Variants in SLTM observed in about 807,000 individuals in gnomAD.
SLTM encodes SAFB-like transcription modulator.
SLTM carries 43 observed loss-of-function variants against 134.6 expected under a neutral mutation model. That is an observed-to-expected ratio of 0.32 (90% CI 0.25 to 0.41). The LOEUF is 0.41. SLTM is among the 10% of genes least tolerant of loss of function. The pLI, the probability that SLTM is intolerant of heterozygous loss-of-function variation, is 1.00. For missense variants in SLTM, 1,055 were observed against 1,288.8 expected (o/e 0.82, Z 2.78); for synonymous variants, 424 against 432.3 (o/e 0.98, Z 0.24).
Position 58,894,498 on chromosome 15 carries a change from C to A in SLTM, c.1312G>T (p.Val438Leu). Reference protein sequence around the residue: ...GIVTMSSSTEVSRCIAHLHRT... With the variant: ...GIVTMSSSTELSRCIAHLHRT... The stretch of plus-strand genomic sequence containing the variant: ...TGAAGATGTGCAATACACCTGGACA[C>A]CTCTGTGCTTGAAGACATAGTTACA... The change falls in exon 10 of 21, where the codon GTG (valine) becomes TTG (leucine). Residue 438 changes from valine (V) to leucine (L), a missense_variant. Around this residue, in one of 3 missense-constraint regions of SLTM, gnomAD observed 776 missense variants for 962.2 expected, o/e 0.81. Transcript: ENST00000380516. 1 of 1,614,118 alleles carries A rather than the reference C, an allele frequency of 6.2e-7. No homozygotes were observed. Among genetic ancestry groups the A allele is most frequent in the Non-Finnish European group, 8.5e-7 (1 of 1,180,000 alleles).
At chr15:58,886,518 C>T (rs1190564335) in intron 19 of SLTM, among the ~76,000 whole-genome samples, 10 of 152,180 alleles carry the variant, frequency 6.6e-5, no homozygotes, top group Admixed American at 3.3e-4. Context: ...CTGCCCACCT[C>T]GGCCTCCCAC....
At chr15:58,911,476 C>A (rs1482194914) in intron 5 of SLTM, among the ~76,000 whole-genome samples, 1 of 152,180 alleles carries the variant, frequency 6.6e-6, no homozygotes, top group Non-Finnish European at 1.5e-5. Flanking sequence ...TGTGCTAATT[C>A]TAGAGCTAAC....
intron 2 of SLTM, 195 bp downstream of exon 2, chr15:58,932,161 C>A (rs1567170737): frequency 1.9e-6 from 1 of 521,164 alleles, no homozygotes; most frequent in African/African-American, 1.9e-5. Flanking sequence ...TTCTAATCAG[C>A]TTCAGCCGAA....
At chr15:58,912,775 C>CA (rs1302410783) in intron 4 of SLTM, 165 bp from the exon 5 acceptor site, 23 of 551,800 alleles carry the variant, frequency 4.2e-5, no homozygotes, top group South Asian at 9.2e-5. Context: ...TTTTTTATGC[C>CA]AAAAAAAATT....
intron 5 of SLTM, among the ~76,000 whole-genome samples, chr15:58,906,197 T>G (rs11637077): frequency 0.2 from 30,155 of 152,224 alleles, 3,301 homozygotes; most frequent in South Asian, 0.44. Context: ...ATGCAACTAT[T>G]TGAAAACAAT....
intron 5 of SLTM, among the ~76,000 whole-genome samples, chr15:58,906,906 T>TAA: frequency 6.6e-6 from 1 of 152,306 alleles, no homozygotes; most frequent in Non-Finnish European, 1.5e-5. Flanking sequence ...AAACATTTCC[T>TAA]AGTGTGGAGT....
chr15:58,880,748 T>TAA (rs1357612286), intron 20 of SLTM, among the ~76,000 whole-genome samples: 3 of 151,892 alleles, frequency 2.0e-5, no homozygotes, highest in African/African-American at 7.3e-5. Flanking sequence ...TTATTTTTCT[T>TAA]AGAGACAGGG....
rs765628104 is a variant in SLTM, at chr15:58,899,856, G to A, written c.671C>T (p.Thr224Ile). The change falls in exon 7 of 21, where the codon ACA (threonine) becomes ATA (isoleucine). Residue 224 changes from threonine to isoleucine, a missense_variant. This residue lies in a region of SLTM where 268 missense variants were observed against 284.3 expected (regional missense o/e 0.94). Coordinates refer to ENST00000380516, the MANE Select transcript of SLTM (RefSeq NM_024755.4). The surrounding 1 kb of genome is among the most constrained non-coding windows in gnomAD (Gnocchi z 5.0). ...SEGSLAEADH[T>I]AHEEMEAHTT... Reference sequence around the variant, plus strand: ...ATGAGCTTCCATCTCTTCATGAGCTGTGTGATCAGCCTCAGCTAGGCTCCC... The same window carrying A: ...ATGAGCTTCCATCTCTTCATGAGCTATGTGATCAGCCTCAGCTAGGCTCCC... 9.3e-6 allele frequency: 15 copies of A among 1,614,080 alleles called. No individual in the cohort carries two copies. The highest frequency in any genetic ancestry group is 1.3e-5 in the Non-Finnish European group (15 of 1,179,996).
At chr15:58,930,263 G>T (rs1441279855) in intron 2 of SLTM, among the ~76,000 whole-genome samples, 8 of 147,778 alleles carry the variant, frequency 5.4e-5, no homozygotes, top group Non-Finnish European at 7.4e-5. Context: ...ACAGGCACGC[G>T]CGCCACCATG....
chr15:58,890,597 G>A lies in SLTM; in HGVS notation c.1899-136C>T, dbSNP rs1050950733. The A allele has an allele frequency of 4.8e-5, 40 of 835,528 alleles. 1 individual carries two copies. Among genetic ancestry groups the A allele is most frequent in the Middle Eastern group, 3.3e-4 (1 of 2,988 alleles). 51.8% of individuals were successfully genotyped at this position (835,528 alleles called of 1,614,324 possible). On this transcript the variant is annotated intron_variant, in intron 14 of 20. Coordinates refer to ENST00000380516, the MANE Select transcript of SLTM (RefSeq NM_024755.4). Reference sequence around the variant, plus strand: ...AATCTAAGTAGTTTTAATGTAATTGGAAAGAGAATTCAAAGTAAAACTTTA... The same window carrying A: ...AATCTAAGTAGTTTTAATGTAATTGAAAAGAGAATTCAAAGTAAAACTTTA...
chr15:58,931,751 T>C (rs759213728), intron 2 of SLTM, among the ~76,000 whole-genome samples: 14 of 152,256 alleles, frequency 9.2e-5, no homozygotes, highest in Admixed American at 2.6e-4. Context: ...TATTTTGCTC[T>C]AGCTTAAAAG....
At chr15:58,927,813 C>T (rs2037587629) in intron 2 of SLTM, among the ~76,000 whole-genome samples, 1 of 152,120 alleles carries the variant, frequency 6.6e-6, no homozygotes, top group Admixed American at 6.5e-5. Flanking sequence ...TAAAGTGTTA[C>T]TTAACATCTG....
chr15:58,908,535 T>A (rs1001354599), intron 5 of SLTM, among the ~76,000 whole-genome samples: 3 of 152,044 alleles, frequency 2.0e-5, no homozygotes, highest in Admixed American at 1.3e-4. Context: ...CCCAGCTATT[T>A]AAAATTTTTT....
rs147919905 is a variant in SLTM at position 58,884,983 on chromosome 15, T to C, written c.2836-1197A>G. On this transcript the variant is annotated intron_variant, in intron 19 of 20. Transcript: ENST00000380516. ...CTAGCACCCAAGGGCTTTTTGACCCTTGATTATTTCAAATACTTGGATCTT... is the reference window on the plus strand; with the variant it reads ...CTAGCACCCAAGGGCTTTTTGACCCCTGATTATTTCAAATACTTGGATCTT... Among the ~76,000 whole-genome samples, 410 of 152,334 alleles carry C rather than the reference T, an allele frequency of 2.7e-3. 1 individual carries two copies. The highest frequency in any genetic ancestry group is 9.4e-3 in the African/African-American group (392 of 41,576).
In SLTM at chr15:58,907,388, G is replaced by A. The variant is rs1321451509; in HGVS notation, c.561+5175C>T. Among the ~76,000 whole-genome samples the A allele has an allele frequency of 1.2e-4, 19 of 152,178 alleles. No homozygotes were observed. The East Asian group carries it at 1.5e-3, about 12-fold the overall frequency. On this transcript the variant is annotated intron_variant, in intron 5 of 20. Transcript: ENST00000380516. ...TGTAATCCAAATACTTTGGGAGGCCGAGATGGGTGGACTGCTTGGGCTCAG... is the reference window on the plus strand; with the variant it reads ...TGTAATCCAAATACTTTGGGAGGCCAAGATGGGTGGACTGCTTGGGCTCAG...
At position 58,883,693 on chromosome 15, in the gene SLTM, T is replaced by G. The variant is rs775081086; in HGVS notation, c.2929A>C (p.Ser977Arg). 2 of 1,614,146 alleles carry G rather than the reference T, an allele frequency of 1.2e-6. No homozygotes were observed. The highest frequency in any genetic ancestry group is 1.1e-5 in the South Asian group (1 of 91,090). The change falls in exon 20 of 21, where the codon AGC becomes CGC. Residue 977 changes from serine to arginine, a missense_variant. Transcript: ENST00000380516. ...CCCATTCGCCTCGTATCATGATAGC[T>G]AGGCCCTTGAGAGGGTGGACCATGC... ...EWHGPPSQGP[S>R]YHDTRRMGDG...
rs555055345 is a variant in SLTM at position 58,909,986 on chromosome 15, T to A, written c.561+2577A>T. Among the ~76,000 whole-genome samples, 13 of 152,286 alleles carry A rather than the reference T, an allele frequency of 8.5e-5. No homozygotes were observed. In the South Asian group the frequency reaches 2.7e-3, roughly 32 times the overall value. On this transcript the variant is annotated intron_variant, in intron 5 of 20. Transcript: ENST00000380516. ...TAAAACATTTCAATCAATCACAACATACAGATCTTACTGGTATCTGGATTT... is the reference window on the plus strand; with the variant it reads ...TAAAACATTTCAATCAATCACAACAAACAGATCTTACTGGTATCTGGATTT...
chr15:58,886,796 G>GA (rs1158588594), intron 19 of SLTM, among the ~76,000 whole-genome samples, 179 bp downstream of exon 19: 19 of 152,126 alleles, frequency 1.2e-4, no homozygotes, highest in Non-Finnish European at 2.6e-4. Context: ...GTCAACTACT[G>GA]ACAGTAAAGT....
At chr15:58,887,624 C>G in intron 17 of SLTM, 84 bp from the exon 18 acceptor site, 2 of 1,509,932 alleles carry the variant, frequency 1.3e-6, no homozygotes, top group Non-Finnish European at 1.8e-6. Flanking sequence ...GCATAACCTA[C>G]AATAATGAAA....
Sources: allele counts gnomAD v4.1 joint callset (sites outside exome capture counted in the v4.1 genomes callset), GRCh38; gene constraint gnomAD v4.1.1; regional missense constraint gnomAD v4.1.1; non-coding constraint Gnocchi (gnomAD v3.1); transcripts MANE v1.5; gene names NCBI Gene and HGNC (gene_info 2026-07-23, HGNC 2026-07-21).